CABIN1: variants seen among roughly 807,000 people sequenced by gnomAD.
The protein encoded by CABIN1 is calcineurin-binding protein cabin-1.
In CABIN1, 133 loss-of-function variants were observed where a neutral mutation model predicts 227.7. That is an observed-to-expected ratio of 0.58 (90% CI 0.51 to 0.67). The LOEUF (loss-of-function observed/expected upper bound fraction) is 0.67, where lower values mean the gene tolerates loss of function less well. Ranked by LOEUF, CABIN1 falls within the 30% of genes least tolerant of loss-of-function variation. CABIN1 has a pLI of 0.00. For missense variants in CABIN1, 2,408 were observed against 2,852.5 expected, an observed-to-expected ratio of 0.84 and a Z score of 3.55; for synonymous variants, 1,086 against 1,155.1, an observed-to-expected ratio of 0.94 and a Z score of 1.21.
intron 29 of CABIN1, among the ~76,000 whole-genome samples, chr22:24,152,454 G>C (rs901958087): frequency 1.3e-5 from 2 of 152,170 alleles, no homozygotes; most frequent in African/African-American, 4.8e-5. Context: ...GGCTGACTCG[G>C]AACTGTAAGG....
chr22:24,107,799 G>A lies in CABIN1; in HGVS notation c.4118-5767G>A, dbSNP rs533752478. Among the ~76,000 whole-genome samples the A allele has an allele frequency of 8.5e-5, 13 of 152,334 alleles. No homozygotes were observed. The South Asian group carries it at 1.5e-3, about 17-fold the overall frequency. ...CAGAGCCCAAAAGAGCCTGTGAGCC[G>A]GTGAGCTCGTGGGGCAGCTTGCCAG... On this transcript the variant is annotated intron_variant, in intron 26 of 36. Transcript: ENST00000263119.
chr22:24,030,098 G>A (rs1276248862), intron 1 of CABIN1, among the ~76,000 whole-genome samples: 4 of 152,188 alleles, frequency 2.6e-5, no homozygotes, highest in East Asian at 1.9e-4. Flanking sequence ...TCTGCTTTAT[G>A]GAGTGATGTT....
At chr22:24,064,512 G>T (rs1045808493) in intron 15 of CABIN1, among the ~76,000 whole-genome samples, 11 of 106,882 alleles carry the variant, frequency 1.0e-4, no homozygotes, top group African/African-American at 2.5e-4. Context: ...CAGCTGAAAG[G>T]TTTTTTTTTT....
Position 24,056,360 on chromosome 22 carries a change from G to GGT in CABIN1, c.1262+1_1262+2dup. 1 of 1,613,874 alleles carries GGT rather than the reference G, an allele frequency of 6.2e-7. No homozygotes were observed. The highest frequency in any genetic ancestry group is 8.5e-7 in the Non-Finnish European group (1 of 1,179,800). On this transcript the variant is annotated frameshift_variant and splice_region_variant. Transcript: ENST00000263119. LOFTEE classifies it high-confidence loss of function. ...CTTCTGATGAAGTTCTTGCCGTCCA[G>GGT]GTACTGTGTATTTTTTCTGATTGTC... is the stretch of plus-strand genomic sequence containing the variant.
intron 19 of CABIN1, among the ~76,000 whole-genome samples, chr22:24,077,261 C>T (rs1214962064): frequency 6.6e-6 from 1 of 152,186 alleles, no homozygotes; most frequent in Non-Finnish European, 1.5e-5. Flanking sequence ...TATTGTGTGT[C>T]TCTGCTCCAC....
In CABIN1 at chr22:24,046,916, C is replaced by T. The variant is rs118015277; in HGVS notation, c.527-2175C>T. On this transcript the variant is annotated intron_variant, in intron 6 of 36. Transcript: ENST00000263119. ...AGAAAACCCCCCCCACCGCAATGTC[C>T]CAGTTCAAAGGTAGTCAGGCAGAAA... Among the ~76,000 whole-genome samples the T allele has an allele frequency of 2.0e-5, 3 of 152,236 alleles. No homozygotes were observed. In the East Asian group the frequency reaches 5.8e-4, roughly 29 times the overall value.
chr22:24,078,874 C>T (rs1263122966), intron 19 of CABIN1, among the ~76,000 whole-genome samples: 1 of 152,176 alleles, frequency 6.6e-6, no homozygotes, highest in African/African-American at 2.4e-5. Context: ...TTTTTGTCCA[C>T]ATTTTTTTAT....
At chr22:24,104,200 A>G (rs189313936) in intron 26 of CABIN1, among the ~76,000 whole-genome samples, 1 of 152,240 alleles carries the variant, frequency 6.6e-6, no homozygotes, top group East Asian at 1.9e-4. Flanking sequence ...TTTTCCCCCC[A>G]TCATCCTTTG....
In CABIN1 at chr22:24,134,419, A is replaced by G; in HGVS notation, c.4746+4A>G. On this transcript the variant is annotated splice_donor_region_variant and intron_variant, in intron 29 of 36. Transcript: ENST00000263119. ...GAACAAGACCAATTTCTTCAACGTG[A>G]GTACTTTGCCTTGTTGATTTCCAAG... 1 of 1,608,288 alleles carries G rather than the reference A, an allele frequency of 6.2e-7. No homozygotes were observed. The highest frequency in any genetic ancestry group is 8.5e-7 in the Non-Finnish European group (1 of 1,174,756).
At position 24,177,357 on chromosome 22, in the gene CABIN1, C is replaced by G; in HGVS notation, c.6206-147C>G. ...CTGCAGGCCTGAGCCAAGTATTTGC[C>G]CAGGGTAGAAGCCTTGGAGCCTGCC... On this transcript the variant is annotated intron_variant, in intron 35 of 36. Transcript: ENST00000263119. This position sits in a 1 kb window ranked among gnomAD's most constrained non-coding sequence, Gnocchi z 4.4. 1.4e-6 allele frequency: 1 copy of G among 703,912 alleles called. No individual in the cohort carries two copies. Among genetic ancestry groups the G allele is most frequent in the Non-Finnish European group, 2.3e-6 (1 of 436,170 alleles). The allele number at this position is 703,912 out of a possible 1,614,324, so 43.6% of individuals were successfully genotyped here.
chr22:24,100,191 A>G lies in CABIN1; in HGVS notation c.4117+1999A>G, dbSNP rs545067708. On this transcript the variant is annotated intron_variant, in intron 26 of 36. Transcript: ENST00000263119. ...TGATTCCTGTCAAAGACACAAAGCC[A>G]TCAGGATCCCATGGCCCATCTTTGC... 1.2e-4 allele frequency among the ~76,000 whole-genome samples: 19 copies of G among 152,384 alleles called. No homozygotes were observed. The South Asian group carries it at 3.1e-3, about 25-fold the overall frequency.
intron 29 of CABIN1, among the ~76,000 whole-genome samples, chr22:24,159,813 A>G (rs1465997300): frequency 6.6e-6 from 1 of 152,150 alleles, no homozygotes; most frequent in Non-Finnish European, 1.5e-5. Flanking sequence ...TGAGGCACCC[A>G]TGGTGCTGGT....
rs2039730706 is a variant in CABIN1, at chr22:24,067,004, G to T, written c.2055G>T (p.Lys685Asn). ...VSLEEIDKNL[K>N]SLERCQSLEE... is the part of the protein sequence containing the mutation. The stretch of plus-strand genomic sequence containing the variant: ...TTTTTCAGATTGATAAGAACCTGAA[G>T]TCGCTGGAGCGGTGCCAGTCCCTGG... Residue 685 changes from lysine to asparagine, a missense_variant, in exon 16 of 37, where the codon AAG (lysine) becomes AAT (asparagine). Coordinates refer to ENST00000263119, the MANE Select transcript of CABIN1 (RefSeq NM_012295.4). 1 of 1,614,258 alleles carries T rather than the reference G, an allele frequency of 6.2e-7. No individual in the cohort carries two copies. Among genetic ancestry groups the T allele is most frequent in the East Asian group, 2.2e-5 (1 of 44,882 alleles).
At chr22:24,095,831 T>C (rs2041859566) in intron 24 of CABIN1, 100 bp from the exon 25 acceptor site, 3 of 1,288,538 alleles carry the variant, frequency 2.3e-6, no homozygotes, top group African/African-American at 1.5e-5. Context: ...GGCAGCCTGT[T>C]GCCCTGGTCA....
chr22:24,041,761 C>A (rs117676735), intron 5 of CABIN1, among the ~76,000 whole-genome samples: 1 of 152,334 alleles, frequency 6.6e-6, no homozygotes, highest in East Asian at 1.9e-4. Context: ...AAGCACCAGA[C>A]ACTGCGCTGT....
intron 1 of CABIN1, among the ~76,000 whole-genome samples, chr22:24,030,615 T>A (rs371104626): frequency 9.3e-4 from 141 of 152,242 alleles, no homozygotes; most frequent in Admixed American, 2.5e-3. Flanking sequence ...GCCTGAAATT[T>A]GTATTTGTTC....
intron 1 of CABIN1, among the ~76,000 whole-genome samples, chr22:24,034,393 T>A (rs2036715079): frequency 6.6e-6 from 1 of 152,274 alleles, no homozygotes; most frequent in African/African-American, 2.4e-5. Context: ...TTTAGCATAA[T>A]GTTTTCAAGG....
chr22:24,085,009 C>T lies in CABIN1; in HGVS notation c.3121C>T (p.Pro1041Ser), dbSNP rs747665196. Residue 1041 changes from proline (P) to serine (S), a missense_variant, in exon 22 of 37, where the codon CCC becomes TCC. Around this residue, in one of 3 missense-constraint regions of CABIN1, gnomAD observed 649 missense variants for 910.3 expected, o/e 0.71. Coordinates refer to ENST00000263119, the MANE Select transcript of CABIN1 (RefSeq NM_012295.4). ...TACTTTTCCTCTCACCTGCCAGGTA[C>T]CCTGCCTCCCAGAGGGGGCTGACCC... ...AYIEGTSTEV[P>S]CLPEGADPSP... is the part of the protein sequence containing the mutation. 6.2e-7 allele frequency: 1 copy of T among 1,614,224 alleles called. No homozygotes were observed.
At chr22:24,118,278 G>A (rs945509953) in intron 27 of CABIN1, among the ~76,000 whole-genome samples, 1 of 152,138 alleles carries the variant, frequency 6.6e-6, no homozygotes, top group Non-Finnish European at 1.5e-5. Context: ...CAGACTAATA[G>A]CAGGTGGCTG....
Sources: allele counts gnomAD v4.1 joint callset (sites outside exome capture counted in the v4.1 genomes callset), GRCh38; gene constraint gnomAD v4.1.1; regional missense constraint gnomAD v4.1.1; non-coding constraint Gnocchi (gnomAD v3.1); transcripts MANE v1.5; gene names NCBI Gene and HGNC (gene_info 2026-07-23, HGNC 2026-07-21).